RCC1L: variants seen among roughly 807,000 people sequenced by gnomAD.
RCC1L encodes the protein RCC1 like.
A neutral mutation model predicts 58.6 loss-of-function variants in RCC1L; 46 were observed. The observed-to-expected ratio is 0.79, with a 90% CI of 0.62 to 1.00. The LOEUF (loss-of-function observed/expected upper bound fraction) is 1.00. Among genes scored for constraint, RCC1L ranks in the 50% least tolerant of loss-of-function variants. The probability of loss-of-function intolerance (pLI) is 0.00; values close to 1 mark genes in which losing one functional copy is unlikely to be tolerated. For synonymous variants in RCC1L, 281 were observed against 262.9 expected (o/e 1.07, Z -0.67); for missense variants, 636 against 623.6 (o/e 1.02, Z -0.21).
At chr7:75,047,974 AAAG>A (rs1245937091) in intron 10 of RCC1L, among the ~76,000 whole-genome samples, 2 of 148,564 alleles carry the variant, frequency 1.3e-5, no homozygotes, top group Non-Finnish European at 3.0e-5. Flanking sequence ...AAAAAAAAAA[AAAG>A]AACCACCGGC....
chr7:75,042,524 G>A lies in RCC1L; in HGVS notation c.*508C>T, dbSNP rs1717183436. The A allele has an allele frequency of 2.8e-5, 28 of 991,154 alleles. No homozygotes were observed. In the South Asian group the frequency reaches 8.7e-4, roughly 31 times the overall value. The allele number at this position is 991,154 out of a possible 1,614,324, so 61.4% of individuals were successfully genotyped here. Reference sequence around the variant, plus strand: ...CCAGCGAGCTTGCGGTGTGGCAGGCGGCCAGGAAGGGCCATGAGCAGGGTG... The same window carrying A: ...CCAGCGAGCTTGCGGTGTGGCAGGCAGCCAGGAAGGGCCATGAGCAGGGTG... On this transcript the variant is annotated 3_prime_UTR_variant, in exon 11 of 11. Transcript: ENST00000610322.
intron 10 of RCC1L, among the ~76,000 whole-genome samples, chr7:75,028,280 G>A (rs1401024507): frequency 3.3e-5 from 5 of 152,012 alleles, no homozygotes; most frequent in East Asian, 1.9e-4. Flanking sequence ...ACCACCACAC[G>A]CGGCTAATTT....
Position 75,052,712 on chromosome 7 carries a change from C to T in RCC1L, c.1316G>A (p.Arg439Lys). ...CAAGACCTCCCCGGCCAGCCTTACC[C>T]TCCATGGGAAATACTGGTCCTCCAG... is the stretch of plus-strand genomic sequence containing the variant. ...GRLEDQYFPW[R>K]VTMPGEPVDV... Residue 439 changes from arginine to lysine, a missense_variant and splice_region_variant, in exon 10 of 11, where the codon AGG (arginine) becomes AAG (lysine). By Grantham distance (26) the Arg-to-Lys change is conservative (BLOSUM62 2). Transcript: ENST00000610322. The T allele has an allele frequency of 3.7e-6, 6 of 1,610,826 alleles. No individual in the cohort carries two copies. Among genetic ancestry groups the T allele is most frequent in the Non-Finnish European group, 4.2e-6 (5 of 1,178,800 alleles).
At chr7:75,052,116 A>G (rs1805931355) in intron 10 of RCC1L, among the ~76,000 whole-genome samples, 1 of 152,152 alleles carries the variant, frequency 6.6e-6, no homozygotes, top group Non-Finnish European at 1.5e-5. Context: ...CTTTTTGTCT[A>G]ATTGCATACT....
At chr7:75,041,692 C>G (rs35348003), downstream of RCC1L, among the ~76,000 whole-genome samples, 1 of 151,912 alleles carries the variant, frequency 6.6e-6, no homozygotes, top group African/African-American at 2.4e-5. Context: ...AACCCCATCT[C>G]TACTAAAAAT....
intron 10 of RCC1L, among the ~76,000 whole-genome samples, chr7:75,048,511 C>A (rs1264586879): frequency 6.6e-6 from 1 of 152,236 alleles, no homozygotes; most frequent in Non-Finnish European, 1.5e-5. Context: ...ACTTCCGTGT[C>A]CCCGTGTGCA....
intron 10 of RCC1L, among the ~76,000 whole-genome samples, chr7:75,028,417 G>A (rs965302318): frequency 0.02 from 3,066 of 152,116 alleles, 67 homozygotes; most frequent in African/African-American, 0.045. Flanking sequence ...CACCGTGCCC[G>A]GCCTCATGGA....
At chr7:75,052,290 C>A (rs1805936250) in intron 10 of RCC1L, among the ~76,000 whole-genome samples, 2 of 152,218 alleles carry the variant, frequency 1.3e-5, no homozygotes, top group South Asian at 4.1e-4. Flanking sequence ...ATCTCCCCCT[C>A]TCCGGAGCCT....
chr7:75,029,011 G>T (rs1805222709), intron 10 of RCC1L, among the ~76,000 whole-genome samples: 1 of 152,236 alleles, frequency 6.6e-6, no homozygotes, highest in Non-Finnish European at 1.5e-5. Context: ...AGCGTAGCCA[G>T]GGTGACATTT....
chr7:75,035,090 GA>G (rs1805408418), intron 10 of RCC1L, among the ~76,000 whole-genome samples: 1 of 151,866 alleles, frequency 6.6e-6, no homozygotes, highest in South Asian at 2.1e-4. Flanking sequence ...GAGTGCAGTG[GA>G]GCAATCCAAG....
At chr7:75,047,207 C>T (rs1489228014) in intron 10 of RCC1L, among the ~76,000 whole-genome samples, 3 of 152,326 alleles carry the variant, frequency 2.0e-5, no homozygotes, top group South Asian at 4.1e-4. Flanking sequence ...CCGCCCGCCT[C>T]GGCACCCCCA....
At chr7:75,040,710 T>C (rs1805535445), downstream of RCC1L, among the ~76,000 whole-genome samples, 1 of 152,142 alleles carries the variant, frequency 6.6e-6, no homozygotes. Flanking sequence ...GAGGCGACTT[T>C]AGACCCAGCC....
intron 10 of RCC1L, among the ~76,000 whole-genome samples, chr7:75,046,004 C>T (rs1434725711): frequency 2.6e-5 from 4 of 152,212 alleles, no homozygotes; most frequent in African/African-American, 9.6e-5. Flanking sequence ...TGGAGTTTAC[C>T]GAGCTTAAGA....
chr7:75,068,320 C>CA (rs67141856), intron 2 of RCC1L, among the ~76,000 whole-genome samples: 71,603 of 114,136 alleles, frequency 0.63, 21,628 homozygotes, highest in East Asian at 0.87. Context: ...AACTCTGACT[C>CA]AAAAAAAAAA....
chr7:75,071,701 T>C (rs1340096087), intron 1 of RCC1L, among the ~76,000 whole-genome samples: 1 of 152,036 alleles, frequency 6.6e-6, no homozygotes, highest in African/African-American at 2.4e-5. Context: ...GGTAGGTAAG[T>C]TGACAGATCT....
At position 75,057,844 on chromosome 7, in the gene RCC1L, G is replaced by A. The variant is rs935822641; in HGVS notation, c.970-228C>T. 169 of 579,200 alleles carry A rather than the reference G, an allele frequency of 2.9e-4. No individual in the cohort carries two copies. The East Asian group carries it at 4.9e-3, about 17-fold the overall frequency. 35.9% of individuals were successfully genotyped at this position (579,200 alleles called of 1,614,324 possible). On this transcript the variant is annotated intron_variant, in intron 7 of 10. Transcript: ENST00000610322. ...TTCTAGTCTAGTGGACGAGGCAGAT[G>A]TCAACCAAAATTAACATAAAATGAC...
At chr7:75,053,590 A>G (rs938025010) in intron 9 of RCC1L, among the ~76,000 whole-genome samples, 9 of 152,166 alleles carry the variant, frequency 5.9e-5, no homozygotes, top group African/African-American at 1.9e-4. Flanking sequence ...ATATATGTTT[A>G]CAAACTGTAA....
intron 10 of RCC1L, among the ~76,000 whole-genome samples, chr7:75,033,970 A>G (rs1805375423): frequency 6.6e-6 from 1 of 152,230 alleles, no homozygotes; most frequent in Non-Finnish European, 1.5e-5. Flanking sequence ...TGTGAATTTC[A>G]GCTGACTCGG....
At chr7:75,028,381 G>A (rs1012585892) in intron 10 of RCC1L, among the ~76,000 whole-genome samples, 8 of 151,924 alleles carry the variant, frequency 5.3e-5, no homozygotes, top group Non-Finnish European at 1.0e-4. Flanking sequence ...TTGGCCTCCC[G>A]AAGTGCTGGG....
Sources: allele counts gnomAD v4.1 joint callset (sites outside exome capture counted in the v4.1 genomes callset), GRCh38; gene constraint gnomAD v4.1.1; transcripts MANE v1.5; gene names NCBI Gene and HGNC (gene_info 2026-07-23, HGNC 2026-07-21).